The following SPAG16 variants were observed in gnomAD, a reference collection of about 807,000 sequenced individuals.
The protein encoded by SPAG16 is sperm-associated antigen 16 protein.
Under a neutral mutation model 80.4 loss-of-function variants are expected in SPAG16, and 86 were observed. The ratio of observed to expected loss-of-function variants is 1.07; its 90% CI spans 0.90 to 1.28. The LOEUF (loss-of-function observed/expected upper bound fraction) is 1.28. Ranked by LOEUF, SPAG16 falls within the 50% of genes most tolerant of loss-of-function variation. The pLI, the probability that SPAG16 is intolerant of heterozygous loss-of-function variation, is 0.00. For missense variants in SPAG16, 870 were observed against 765.3 expected (o/e 1.14, Z -1.61); for synonymous variants, 294 against 265.9 (o/e 1.11, Z -1.03).
At chr2:213,844,067 A>G (rs1399346678) in intron 10 of SPAG16, among the ~76,000 whole-genome samples, 1 of 152,188 alleles carries the variant, frequency 6.6e-6, no homozygotes, top group African/African-American at 2.4e-5. Flanking sequence ...CTAAAGGTCA[A>G]AAACCTAGTT....
At position 213,455,827 on chromosome 2, in the gene SPAG16, G is replaced by A. The variant is rs1202169881; in HGVS notation, c.943-34136G>A. 5.3e-5 allele frequency among the ~76,000 whole-genome samples: 8 copies of A among 152,290 alleles called. No individual in the cohort carries two copies. In the East Asian group the frequency reaches 1.5e-3, roughly 29 times the overall value. ...GTGGCCTGGTTCCAGTCTGCCACTG[G>A]AGGGTTGGCGACCCCTGCTCCAGGT... On this transcript the variant is annotated intron_variant, in intron 9 of 15. Transcript: ENST00000331683.
chr2:214,091,432 G>C (rs1458538121), intron 13 of SPAG16, among the ~76,000 whole-genome samples: 1 of 152,090 alleles, frequency 6.6e-6, no homozygotes, highest in Admixed American at 6.6e-5. Flanking sequence ...TTTGGCACCA[G>C]AGTCCTCTGT....
chr2:213,469,514 A>G (rs1034706048), intron 9 of SPAG16, among the ~76,000 whole-genome samples: 8 of 148,188 alleles, frequency 5.4e-5, no homozygotes, highest in African/African-American at 2.0e-4. Flanking sequence ...ATTGATGACT[A>G]CCTTCTTCAA....
intron 12 of SPAG16, among the ~76,000 whole-genome samples, chr2:213,947,849 T>C (rs528564111): frequency 6.6e-6 from 1 of 152,244 alleles, no homozygotes; most frequent in Admixed American, 6.5e-5. Flanking sequence ...TATAACCGTA[T>C]AGTAAGTCTT....
chr2:214,027,919 C>T (rs566475286), intron 13 of SPAG16, among the ~76,000 whole-genome samples: 27 of 151,768 alleles, frequency 1.8e-4, no homozygotes, highest in Non-Finnish European at 3.4e-4. Flanking sequence ...TGGAATGTAT[C>T]GTGATTGTCT....
At chr2:213,682,944 A>C (rs2064471785) in intron 10 of SPAG16, among the ~76,000 whole-genome samples, 1 of 152,186 alleles carries the variant, frequency 6.6e-6, no homozygotes, top group Non-Finnish European at 1.5e-5. Flanking sequence ...GAAAAAAATA[A>C]GTATGGCTAT....
chr2:213,425,877 G>A (rs1575559955), intron 9 of SPAG16, among the ~76,000 whole-genome samples: 1 of 152,042 alleles, frequency 6.6e-6, no homozygotes, highest in Non-Finnish European at 1.5e-5. Flanking sequence ...AGAAAACAGG[G>A]CTCCATGGAG....
chr2:213,777,992 G>A (rs1449036183), intron 10 of SPAG16, among the ~76,000 whole-genome samples: 2 of 152,008 alleles, frequency 1.3e-5, no homozygotes, highest in East Asian at 3.8e-4. Context: ...TTGCTCTTGA[G>A]ATTATAATAA....
intron 15 of SPAG16, among the ~76,000 whole-genome samples, chr2:214,302,825 T>C (rs948926108): frequency 1.3e-5 from 2 of 152,226 alleles, no homozygotes; most frequent in African/African-American, 4.8e-5. Context: ...TGCATATGAA[T>C]TTATGATAGT....
Position 214,311,226 on chromosome 2 carries a change from C to G in SPAG16, c.1721-98914C>G, listed in dbSNP as rs146598706. Among the ~76,000 whole-genome samples, 29 of 152,226 alleles carry G rather than the reference C, an allele frequency of 1.9e-4. 1 individual carries two copies. Among genetic ancestry groups the G allele is most frequent in the Non-Finnish European group, 3.1e-4 (21 of 67,994 alleles). On this transcript the variant is annotated intron_variant, in intron 15 of 15. Coordinates refer to ENST00000331683, the MANE Select transcript of SPAG16 (RefSeq NM_024532.5). Reference sequence around the variant, plus strand: ...TCCCTCTCTCTAGGGTCAGCACACTCGAAGGACTATACCTCTAGGGATCCC... The same window carrying G: ...TCCCTCTCTCTAGGGTCAGCACACTGGAAGGACTATACCTCTAGGGATCCC...
At chr2:213,619,990 A>G (rs894702181) in intron 10 of SPAG16, among the ~76,000 whole-genome samples, 1 of 152,200 alleles carries the variant, frequency 6.6e-6, no homozygotes, top group Non-Finnish European at 1.5e-5. Flanking sequence ...CATAAAAAAG[A>G]ATGGAATTCT....
intron 10 of SPAG16, among the ~76,000 whole-genome samples, chr2:213,794,408 GTATC>G (rs2070892198): frequency 1.3e-5 from 2 of 152,068 alleles, no homozygotes; most frequent in Non-Finnish European, 1.5e-5. Flanking sequence ...TTGAAACAAA[GTATC>G]TAGGCTCTCT....
intron 11 of SPAG16, among the ~76,000 whole-genome samples, chr2:213,929,576 G>A (rs2078655451): frequency 6.6e-6 from 1 of 152,106 alleles, no homozygotes; most frequent in Admixed American, 6.5e-5. Context: ...ATTGTATTAT[G>A]TTTTTGAAAC....
chr2:214,246,924 TGTTA>T (rs1338460864), intron 15 of SPAG16, among the ~76,000 whole-genome samples: 1 of 152,198 alleles, frequency 6.6e-6, no homozygotes, highest in Non-Finnish European at 1.5e-5. Context: ...GTCAGAGATA[TGTTA>T]GTTAAGTGCC....
intron 15 of SPAG16, among the ~76,000 whole-genome samples, chr2:214,227,236 T>G (rs950777891): frequency 6.6e-6 from 1 of 152,042 alleles, no homozygotes; most frequent in South Asian, 2.1e-4. Flanking sequence ...TTCCACATCT[T>G]CTTATTCTGA....
At chr2:214,191,769 T>C (rs2057673744) in intron 15 of SPAG16, among the ~76,000 whole-genome samples, 1 of 134,564 alleles carries the variant, frequency 7.4e-6, no homozygotes, top group Non-Finnish European at 1.6e-5. Context: ...TGTGAACCAA[T>C]CATAAAAAAG....
chr2:213,300,246 CCT>C (rs1428869200), intron 3 of SPAG16, among the ~76,000 whole-genome samples: 1 of 152,098 alleles, frequency 6.6e-6, no homozygotes, highest in East Asian at 1.9e-4. Context: ...CCCTTTTCCT[CCT>C]CTTTCTTCTC....
intron 11 of SPAG16, among the ~76,000 whole-genome samples, chr2:213,863,714 G>A (rs1189719529): frequency 6.6e-6 from 1 of 152,046 alleles, no homozygotes; most frequent in African/African-American, 2.4e-5. Flanking sequence ...AATCGCTTAT[G>A]TAGCTACTGG....
At chr2:213,819,682 C>T (rs952320701) in intron 10 of SPAG16, among the ~76,000 whole-genome samples, 3 of 151,994 alleles carry the variant, frequency 2.0e-5, no homozygotes, top group Non-Finnish European at 2.9e-5. Context: ...GTAGCTGGGA[C>T]ATAGGCGTGC....
Sources: allele counts gnomAD v4.1 joint callset (sites outside exome capture counted in the v4.1 genomes callset), GRCh38; gene constraint gnomAD v4.1.1; transcripts MANE v1.5; gene names NCBI Gene and HGNC (gene_info 2026-07-23, HGNC 2026-07-21).